The following GPR78 variants were observed in gnomAD, a reference collection of about 807,000 sequenced individuals.
GPR78 encodes G protein-coupled receptor 78.
A neutral mutation model predicts 17.9 loss-of-function variants in GPR78; 29 were observed. The observed-to-expected ratio is 1.62, with a 90% confidence interval of 1.20 to 2.21. The LOEUF (loss-of-function observed/expected upper bound fraction) is 2.21, where lower values mean the gene tolerates loss of function less well. GPR78 is among the 30% of genes most tolerant of loss of function. The pLI is 0.00. For synonymous variants in GPR78, 349 were observed against 256.9 expected (o/e 1.36, Z -3.43); for missense variants, 649 against 530.5 (o/e 1.22, Z -2.19).
rs996182891 is a variant in GPR78, at chr4:8,589,979, G to T, written c.*2616G>T. ...GCACTTAAACGTGTTGTGGAATGAT[G>T]CTGGGTCTCAAGAATGCTGTGAATC... On this transcript the variant is annotated 3_prime_UTR_variant, in exon 3 of 3. Transcript: ENST00000382487. 6.7e-6 allele frequency among the ~76,000 whole-genome samples: 1 copy of T among 149,278 alleles called. No individual in the cohort carries two copies. Among genetic ancestry groups the T allele is most frequent in the African/African-American group, 2.5e-5 (1 of 40,238 alleles).
Position 8,587,093 on chromosome 4 carries a change from G to A in GPR78, c.822G>A (p.Gln274=). Residue 274 remains glutamine, a synonymous_variant, in exon 3 of 3, where the codon CAG becomes CAA. Transcript: ENST00000382487. ...ELVPFVTVNA[Q]WGILSKCLTY... is the part of the protein sequence containing the mutation. ...TGCCCTTCGTCACCGTGAACGCCCA[G>A]TGGGGCATCCTCAGCAAGTGCCTGA... The A allele has an allele frequency of 9.9e-6, 16 of 1,613,180 alleles. No homozygotes were observed. Among genetic ancestry groups the A allele is most frequent in the Non-Finnish European group, 1.4e-5 (16 of 1,179,948 alleles).
chr4:8,581,502 G>C lies in GPR78; in HGVS notation c.520G>C (p.Ala174Pro). The part of the protein sequence containing the change: ...PERPRFAAFT[A>P]TLHAVGFVLP... ...GCGTCCGCGCTTCGCAGCCTTCACC[G>C]CCACGCTCCATGCCGTGGGCTTCGT... Residue 174 changes from alanine (A) to proline (P), a missense_variant, in exon 1 of 3, where the codon GCC becomes CCC. Coordinates refer to ENST00000382487, the MANE Select transcript of GPR78 (RefSeq NM_080819.5). 6.3e-7 allele frequency: 1 copy of C among 1,591,974 alleles called. No individual in the cohort carries two copies. The highest frequency in any genetic ancestry group is 8.5e-7 in the Non-Finnish European group (1 of 1,176,968).
intron 2 of GPR78, among the ~76,000 whole-genome samples, chr4:8,585,403 C>T (rs1454733763): frequency 1.3e-5 from 2 of 152,214 alleles, no homozygotes; most frequent in African/African-American, 4.8e-5. Context: ...TTCTTACTCA[C>T]CTGCAGCCCA....
Position 8,587,293 on chromosome 4 carries a change from C to T in GPR78, c.1022C>T (p.Pro341Leu), listed in dbSNP as rs373876676. The part of the protein sequence containing the change: ...GMVHQLLKRT[P>L]RPASTHNGSV... ...GTGCACCAGCTGCTGAAGAGAACCC[C>T]GCGCCCAGCGTCCACCCACAACGGC... The change falls in exon 3 of 3, where the codon CCG becomes CTG. Residue 341 changes from proline to leucine, a missense_variant. Pro to Leu is a moderately conservative substitution (Grantham distance 98). Transcript: ENST00000382487. 38 of 1,611,014 alleles carry T rather than the reference C, an allele frequency of 2.4e-5. No homozygotes were observed. The Middle Eastern group carries it at 6.6e-4, about 28-fold the overall frequency.
chr4:8,586,721 CGG>C (rs1713523524), intron 2 of GPR78, among the ~76,000 whole-genome samples: 1 of 152,144 alleles, frequency 6.6e-6, no homozygotes, highest in Admixed American at 6.5e-5. Context: ...CAGGTGTCCG[CGG>C]CAGGTGTACG....
At chr4:8,583,790 C>T (rs28625495) in intron 2 of GPR78, among the ~76,000 whole-genome samples, 9,332 of 152,200 alleles carry the variant, frequency 0.061, 651 homozygotes, top group African/African-American at 0.17. Context: ...CTGCCAGGTT[C>T]CCTCTGAGCT....
chr4:8,582,444 T>C (rs1039838280), intron 1 of GPR78, 87 bp from the exon 2 acceptor site: 30 of 832,728 alleles, frequency 3.6e-5, no homozygotes, highest in Middle Eastern at 2.3e-4. Flanking sequence ...AACCCTCCTG[T>C]CTGCCCTCAC....
rs749378417 is a variant in GPR78 at position 8,581,207 on chromosome 4, G to T, written c.225G>T (p.Ala75=). Residue 75 remains alanine, a synonymous_variant, in exon 1 of 3, where the codon GCG becomes GCT. Transcript: ENST00000382487. ...LGVMRGRTPS[A]PGACQVIGFL... is the part of the protein sequence containing the mutation. Reference sequence around the variant, plus strand: ...TGATGCGCGGGCGGACACCGTCGGCGCCCGGCGCATGCCAAGTCATTGGCT... The same window carrying T: ...TGATGCGCGGGCGGACACCGTCGGCTCCCGGCGCATGCCAAGTCATTGGCT... 1.9e-6 allele frequency: 3 copies of T among 1,599,510 alleles called. No homozygotes were observed. The highest frequency in any genetic ancestry group is 1.7e-5 in the Admixed American group (1 of 59,498).
In GPR78 at chr4:8,581,469, G is replaced by A. The variant is rs751645795; in HGVS notation, c.487G>A (p.Glu163Lys). ...FASCSLRLPP[E>K]PERPRFAAFT... is the part of the protein sequence containing the mutation. ...GTCCTGTTCGCTGCGCCTGCCGCCC[G>A]AGCCTGAGCGTCCGCGCTTCGCAGC... Residue 163 changes from glutamate (E) to lysine (K), a missense_variant, in exon 1 of 3, where the codon GAG (glutamate) becomes AAG (lysine). Glu to Lys is a moderately conservative substitution (Grantham distance 56). Coordinates refer to ENST00000382487, the MANE Select transcript of GPR78 (RefSeq NM_080819.5). The A allele has an allele frequency of 6.9e-6, 11 of 1,591,778 alleles. No individual in the cohort carries two copies. Among genetic ancestry groups the A allele is most frequent in the African/African-American group, 4.0e-5 (3 of 74,714 alleles).
intron 2 of GPR78, among the ~76,000 whole-genome samples, chr4:8,586,693 G>A (rs537192252): frequency 5.9e-5 from 9 of 152,312 alleles, no homozygotes; most frequent in East Asian, 1.9e-4. Flanking sequence ...TGGCTCCCTC[G>A]GTAGCTGGTT....
In GPR78 at chr4:8,587,223, C is replaced by T. The variant is rs61746144; in HGVS notation, c.952C>T (p.Arg318Cys). Reference sequence around the variant, plus strand: ...GCACCGGCTGCTGAAGAGAACCCCGCGCCCAGCATCCACCCATGACAGCTC... The same window carrying T: ...GCACCGGCTGCTGAAGAGAACCCCGTGCCCAGCATCCACCCATGACAGCTC... The part of the protein sequence containing the change: ...MVHRLLKRTP[R>C]PASTHDSSLD... Residue 318 changes from arginine to cysteine, a missense_variant, in exon 3 of 3, where the codon CGC (arginine) becomes TGC (cysteine). Transcript: ENST00000382487. 29,422 of 1,609,054 alleles carry T rather than the reference C, an allele frequency of 0.018. 309 individuals are homozygous for T. Among genetic ancestry groups the T allele is most frequent in the Non-Finnish European group, 0.022 (26,185 of 1,176,888 alleles).
rs1713238767 is a variant in GPR78 at position 8,580,770 on chromosome 4, T to A, written c.-213T>A. On this transcript the variant is annotated 5_prime_UTR_variant, in exon 1 of 3. Transcript: ENST00000382487. ...TGCCTCCAGGGCGGCCCCGGGCTGC[T>A]CCTGCTCCGCAGAGCTACGCCCTCC... 1 of 583,532 alleles carries A rather than the reference T, an allele frequency of 1.7e-6. No homozygotes were observed. 36.1% of individuals were successfully genotyped at this position (583,532 alleles called of 1,614,324 possible).
chr4:8,582,510 C>T, intron 1 of GPR78, 21 bp from the exon 2 acceptor site: 1 of 1,554,200 alleles, frequency 6.4e-7, no homozygotes, highest in Non-Finnish European at 8.8e-7. Flanking sequence ...TCATCCTGAC[C>T]ACTGTCCTCT....
chr4:8,581,750 C>T, intron 1 of GPR78, 100 bp downstream of exon 1: 1 of 881,990 alleles, frequency 1.1e-6, no homozygotes, highest in Non-Finnish European at 1.6e-6. Flanking sequence ...CGTTACTCCG[C>T]CCAGAGTTCA....
intron 2 of GPR78, chr4:8,582,895 GT>G: frequency 2.3e-6 from 1 of 426,276 alleles, no homozygotes. Context: ...CAGATATGGG[GT>G]CTGTGAATCA....
In GPR78 at chr4:8,585,106, C is replaced by T. The variant is rs373881887; in HGVS notation, c.783-1948C>T. Among the ~76,000 whole-genome samples the T allele has an allele frequency of 3.5e-4, 53 of 152,278 alleles. No individual in the cohort carries two copies. In the East Asian group the frequency reaches 4.1e-3, roughly 12 times the overall value. Reference sequence around the variant, plus strand: ...CTCAATCAGTCGTGCAGATGAAGCCCGTGGGGTGTGCGGCAGTGAGACCAG... The same window carrying T: ...CTCAATCAGTCGTGCAGATGAAGCCTGTGGGGTGTGCGGCAGTGAGACCAG... On this transcript the variant is annotated intron_variant, in intron 2 of 2. Transcript: ENST00000382487.
intron 2 of GPR78, among the ~76,000 whole-genome samples, chr4:8,585,093 T>G (rs1713452809): frequency 2.0e-5 from 3 of 152,232 alleles, no homozygotes. Flanking sequence ...CAATCAGTCG[T>G]GCAGATGAAG....
rs979366631 is a variant in GPR78 at position 8,589,606 on chromosome 4, C to T, written c.*2243C>T. ...CCTGTCCCTGGGAGCTCCCCAGGTG[C>T]GAGGAGCCTGCCAGCCAGTGGGGCC... On this transcript the variant is annotated 3_prime_UTR_variant, in exon 3 of 3. Transcript: ENST00000382487. 1.3e-5 allele frequency among the ~76,000 whole-genome samples: 2 copies of T among 152,230 alleles called. No individual in the cohort carries two copies. The highest frequency in any genetic ancestry group is 2.4e-5 in the African/African-American group (1 of 41,468).
At chr4:8,585,813 C>T (rs1230276191) in intron 2 of GPR78, among the ~76,000 whole-genome samples, 7 of 152,192 alleles carry the variant, frequency 4.6e-5, no homozygotes, top group South Asian at 4.1e-4. Flanking sequence ...ATCCCCATCC[C>T]GCCGGACTGG....
Sources: gnomAD v4.1 joint callset for allele counts (sites outside exome capture counted in the v4.1 genomes callset) on GRCh38, gnomAD v4.1.1 for gene constraint, MANE v1.5 for transcripts, NCBI Gene and HGNC (gene_info 2026-07-23, HGNC 2026-07-21) for gene names.